The following NKAIN2 variants were observed in gnomAD, a reference collection of about 807,000 sequenced individuals.
The protein encoded by NKAIN2 is sodium/potassium transporting ATPase interacting 2.
A neutral mutation model predicts 32.6 loss-of-function variants in NKAIN2; 14 were observed. That is an observed-to-expected ratio of 0.43 (90% CI 0.28 to 0.67). NKAIN2 has a LOEUF of 0.67. NKAIN2 is among the 30% of genes least tolerant of loss of function. The pLI, the probability that NKAIN2 is intolerant of heterozygous loss-of-function variation, is 0.17. For missense variants in NKAIN2, 198 were observed against 258.3 expected (o/e 0.77, Z 1.60); for synonymous variants, 80 against 87.2 (o/e 0.92, Z 0.46).
chr6:124,607,997 G>A (rs533855350), intron 3 of NKAIN2, among the ~76,000 whole-genome samples: 10 of 152,150 alleles, frequency 6.6e-5, no homozygotes, highest in South Asian at 2.1e-4. Flanking sequence ...TAGGTATATC[G>A]AATGCATTTT....
intron 1 of NKAIN2, among the ~76,000 whole-genome samples, chr6:123,965,153 G>A (rs1778015439): frequency 1.3e-5 from 2 of 152,112 alleles, no homozygotes; most frequent in South Asian, 4.2e-4. Flanking sequence ...GAAACTTTCT[G>A]ATGGGAGATC....
chr6:124,180,073 G>C (rs1789361677), intron 1 of NKAIN2, among the ~76,000 whole-genome samples: 1 of 152,030 alleles, frequency 6.6e-6, no homozygotes, highest in East Asian at 1.9e-4. Context: ...ATAGATTACA[G>C]GTAGATAGGT....
chr6:124,434,043 G>A (rs1775334197), intron 3 of NKAIN2, among the ~76,000 whole-genome samples: 1 of 152,154 alleles, frequency 6.6e-6, no homozygotes, highest in African/African-American at 2.4e-5. Context: ...ATCTGATGCA[G>A]TGGCAGTGAG....
At chr6:124,728,357 C>G (rs1313106820) in intron 4 of NKAIN2, among the ~76,000 whole-genome samples, 2 of 94,918 alleles carry the variant, frequency 2.1e-5, no homozygotes, top group African/African-American at 4.2e-5. Context: ...AACAAACTAT[C>G]TCTCAGACCA....
In NKAIN2 at chr6:124,219,574, G is replaced by A. The variant is rs115108703; in HGVS notation, c.55-63431G>A. On this transcript the variant is annotated intron_variant, in intron 1 of 6. Coordinates refer to ENST00000368417, the MANE Select transcript of NKAIN2 (RefSeq NM_001040214.3). ...ATTACAACTGTGAGCCACCACGCCC[G>A]GCCAACACTTATTGAATACGAGTTA... 5.2e-3 allele frequency among the ~76,000 whole-genome samples: 790 copies of A among 152,038 alleles called. 7 individuals carry two copies. The highest frequency in any genetic ancestry group is 0.018 in the African/African-American group (744 of 41,464).
intron 4 of NKAIN2, among the ~76,000 whole-genome samples, chr6:124,679,516 G>A (rs1773520808): frequency 6.6e-6 from 1 of 152,134 alleles, no homozygotes; most frequent in African/African-American, 2.4e-5. Context: ...ATGAATGAGT[G>A]CCATCGATTT....
Position 124,469,926 on chromosome 6 carries a change from A to T in NKAIN2, c.273+114579A>T, listed in dbSNP as rs181463345. On this transcript the variant is annotated intron_variant, in intron 3 of 6. Transcript: ENST00000368417. The stretch of plus-strand genomic sequence containing the variant: ...CACACTGCATGCCCCTGAGAATAAG[A>T]GACTTCTTTGTGCTTCACTTACTTC... 5.4e-3 allele frequency among the ~76,000 whole-genome samples: 823 copies of T among 152,268 alleles called. 4 individuals carry two copies. The highest frequency in any genetic ancestry group is 8.7e-3 in the Non-Finnish European group (592 of 68,024).
At chr6:124,005,795 C>T (rs1401545360) in intron 1 of NKAIN2, among the ~76,000 whole-genome samples, 1 of 152,136 alleles carries the variant, frequency 6.6e-6, no homozygotes, top group African/African-American at 2.4e-5. Flanking sequence ...AGATTCAGAG[C>T]TGGTTTTTGC....
chr6:124,712,643 C>T (rs1775554765), intron 4 of NKAIN2, among the ~76,000 whole-genome samples: 1 of 151,254 alleles, frequency 6.6e-6, no homozygotes, highest in Non-Finnish European at 1.5e-5. Flanking sequence ...CCTTGCGCTT[C>T]CCAAGTGAGG....
intron 1 of NKAIN2, among the ~76,000 whole-genome samples, chr6:124,277,433 GTGTGTGTGTGTGTGTGTGTGTGTGTATC>G: frequency 9.6e-6 from 1 of 104,546 alleles, no homozygotes; most frequent in East Asian, 2.4e-4. Context: ...TGTGTCGTGT[GTGTGTGTGTGTGTGTGTGTGTGTGTATC>G]TGTGTGTGTG....
chr6:124,405,379 T>C (rs953488932), intron 3 of NKAIN2, among the ~76,000 whole-genome samples: 8 of 152,116 alleles, frequency 5.3e-5, no homozygotes, highest in Admixed American at 3.3e-4. Flanking sequence ...TGTGGGACAA[T>C]TTTCAGACCT....
intron 1 of NKAIN2, among the ~76,000 whole-genome samples, chr6:123,909,304 C>A (rs980758884): frequency 2.0e-5 from 3 of 152,176 alleles, no homozygotes; most frequent in African/African-American, 7.2e-5. Context: ...CTAATTCATT[C>A]TCACCCTTGC....
chr6:124,300,960 G>T lies in NKAIN2; in HGVS notation c.192+17818G>T, dbSNP rs183109377. On this transcript the variant is annotated intron_variant, in intron 2 of 6. Transcript: ENST00000368417. ...TGGGTATAAATTCAAGCCTGCTGCAGAAATTTGCATAAGTAACAAGGAGCC... is the reference window on the plus strand; with the variant it reads ...TGGGTATAAATTCAAGCCTGCTGCATAAATTTGCATAAGTAACAAGGAGCC... 2.4e-3 allele frequency among the ~76,000 whole-genome samples: 358 copies of T among 152,326 alleles called. 4 individuals are homozygous for T. The highest frequency in any genetic ancestry group is 0.016 in the South Asian group (75 of 4,832).
intron 5 of NKAIN2, among the ~76,000 whole-genome samples, chr6:124,807,796 G>A (rs998231085): frequency 6.6e-6 from 1 of 150,962 alleles, no homozygotes; most frequent in Non-Finnish European, 1.5e-5. Context: ...AAATGATAAA[G>A]GGGATATCAC....
chr6:124,595,235 C>G (rs1467107805), intron 3 of NKAIN2, among the ~76,000 whole-genome samples: 1 of 152,174 alleles, frequency 6.6e-6, no homozygotes, highest in Admixed American at 6.5e-5. Flanking sequence ...GCTCAGATGT[C>G]TTGCCTAGAT....
At chr6:123,942,126 G>A (rs1776854604) in intron 1 of NKAIN2, among the ~76,000 whole-genome samples, 1 of 151,864 alleles carries the variant, frequency 6.6e-6, no homozygotes, top group South Asian at 2.1e-4. Flanking sequence ...AAGAACAGTT[G>A]TCCCAATGGT....
chr6:123,955,898 G>A (rs1371786592), intron 1 of NKAIN2, among the ~76,000 whole-genome samples: 2 of 152,074 alleles, frequency 1.3e-5, no homozygotes, highest in Non-Finnish European at 2.9e-5. Flanking sequence ...AAAATGCCGG[G>A]ATTATAGGAG....
intron 1 of NKAIN2, among the ~76,000 whole-genome samples, chr6:124,189,428 C>A (rs540404211): frequency 2.0e-5 from 3 of 152,066 alleles, no homozygotes; most frequent in Non-Finnish European, 4.4e-5. Flanking sequence ...AAGCCAGGTG[C>A]GGTGACTCAC....
At chr6:124,297,866 C>T (rs1357462092) in intron 2 of NKAIN2, among the ~76,000 whole-genome samples, 1 of 151,932 alleles carries the variant, frequency 6.6e-6, no homozygotes, top group East Asian at 1.9e-4. Flanking sequence ...AGTTGAGGTC[C>T]CAGAATCTGA....
Sources: gnomAD v4.1 joint callset for allele counts (sites outside exome capture counted in the v4.1 genomes callset) on GRCh38, gnomAD v4.1.1 for gene constraint, MANE v1.5 for transcripts, NCBI Gene and HGNC (gene_info 2026-07-23, HGNC 2026-07-21) for gene names.